The following TNIK variants were observed in gnomAD, a reference collection of about 807,000 sequenced individuals.
The protein encoded by TNIK is TRAF2 and NCK-interacting protein kinase.
TNIK carries 49 observed loss-of-function variants against 191.3 expected under a neutral mutation model. The observed-to-expected ratio is 0.26, with a 90% CI of 0.20 to 0.32. The LOEUF (loss-of-function observed/expected upper bound fraction) is 0.32, where lower values mean the gene tolerates loss of function less well. Among genes scored for constraint, TNIK ranks in the 10% least tolerant of loss-of-function variants. TNIK has a pLI of 1.00. For missense variants in TNIK, 1,155 were observed against 1,702.3 expected, an observed-to-expected ratio of 0.68 and a Z score of 5.66; for synonymous variants, 594 against 600.9, an observed-to-expected ratio of 0.99 and a Z score of 0.17.
At chr3:171,307,640 A>G (rs781081687) in intron 2 of TNIK, among the ~76,000 whole-genome samples, 3 of 152,158 alleles carry the variant, frequency 2.0e-5, no homozygotes, top group African/African-American at 4.8e-5. Flanking sequence ...GTATAAGCCT[A>G]TTTATCCTGG....
At chr3:171,247,368 A>G (rs894866430) in intron 2 of TNIK, among the ~76,000 whole-genome samples, 1 of 152,276 alleles carries the variant, frequency 6.6e-6, no homozygotes, top group East Asian at 1.9e-4. Context: ...CAGGACATGT[A>G]GATGGTGTTT....
chr3:171,140,605 C>T, intron 12 of TNIK, 96 bp from the exon 13 acceptor site: 1 of 1,148,356 alleles, frequency 8.7e-7, no homozygotes, highest in Non-Finnish European at 1.3e-6. Context: ...CAGACATGAA[C>T]TTTTAATGAG....
intron 2 of TNIK, among the ~76,000 whole-genome samples, chr3:171,295,087 T>C (rs1284113576): frequency 6.6e-6 from 1 of 152,068 alleles, no homozygotes; most frequent in Admixed American, 6.6e-5. Context: ...AGAAGAGATA[T>C]ATATCCTTCT....
At chr3:171,186,410 C>T (rs1325780617) in intron 7 of TNIK, among the ~76,000 whole-genome samples, 2 of 152,196 alleles carry the variant, frequency 1.3e-5, no homozygotes, top group African/African-American at 4.8e-5. Flanking sequence ...TTTGATTTGT[C>T]TAAGATGTCT....
At chr3:171,151,608 C>G (rs1351333696) in intron 12 of TNIK, among the ~76,000 whole-genome samples, 1 of 152,160 alleles carries the variant, frequency 6.6e-6, no homozygotes, top group Non-Finnish European at 1.5e-5. Flanking sequence ...AACTGTAAAA[C>G]AGGAAAGTTA....
intron 2 of TNIK, among the ~76,000 whole-genome samples, chr3:171,343,171 A>G (rs190280405): frequency 6.6e-6 from 1 of 152,318 alleles, no homozygotes; most frequent in East Asian, 1.9e-4. Context: ...TGGGCTGCAC[A>G]TAGGGACCTG....
intron 1 of TNIK, among the ~76,000 whole-genome samples, chr3:171,382,011 A>G (rs1718092611): frequency 6.6e-6 from 1 of 152,232 alleles, no homozygotes; most frequent in African/African-American, 2.4e-5. Context: ...ATCTTGAAAG[A>G]GAAACAAACT....
Position 171,299,895 on chromosome 3 carries a change from C to T in TNIK, c.123+69725G>A, listed in dbSNP as rs1489736153. ...TAACGTACAAGGAGACAATTTATGG[C>T]ATTTCATACTTCTGCTATTCCAGGG... On this transcript the variant is annotated intron_variant, in intron 2 of 32. Transcript: ENST00000436636. Among the ~76,000 whole-genome samples the T allele has an allele frequency of 7.2e-5, 11 of 152,174 alleles. 1 individual carries two copies.
At chr3:171,107,558 T>C (rs1216347703) in intron 20 of TNIK, among the ~76,000 whole-genome samples, 2 of 152,206 alleles carry the variant, frequency 1.3e-5, no homozygotes, top group African/African-American at 4.8e-5. Flanking sequence ...GGGTCTATCA[T>C]GTTACAGCAG....
intron 1 of TNIK, among the ~76,000 whole-genome samples, chr3:171,445,351 C>A (rs1362015338): frequency 6.6e-6 from 1 of 150,692 alleles, no homozygotes; most frequent in Non-Finnish European, 1.5e-5. Flanking sequence ...AACCGGAGGT[C>A]GAAGCTGCAG....
intron 2 of TNIK, among the ~76,000 whole-genome samples, chr3:171,266,418 TC>T (rs1319863181): frequency 6.6e-6 from 1 of 152,154 alleles, no homozygotes; most frequent in Non-Finnish European, 1.5e-5. Context: ...GAGGAATCTT[TC>T]CCTCTCAGTT....
At position 171,145,126 on chromosome 3, in the gene TNIK, G is replaced by C. The variant is rs182765630; in HGVS notation, c.1222-4617C>G. 1.1e-3 allele frequency among the ~76,000 whole-genome samples: 163 copies of C among 142,564 alleles called. No individual in the cohort carries two copies. The Middle Eastern group carries it at 0.019, about 16-fold the overall frequency. 93.5% of individuals were successfully genotyped at this position (142,564 alleles called of 152,430 possible). ...TTTTGAGATGGAGTCTTGCTCTGTC[G>C]CCCAGGCTGGAGTACAGTGGTGCAA... On this transcript the variant is annotated intron_variant, in intron 12 of 32. Coordinates refer to ENST00000436636, the MANE Select transcript of TNIK (RefSeq NM_015028.4).
chr3:171,176,026 A>G lies in TNIK; in HGVS notation c.695-696T>C, dbSNP rs1012314151. On this transcript the variant is annotated intron_variant, in intron 8 of 32. Transcript: ENST00000436636. The stretch of plus-strand genomic sequence containing the variant: ...TATCGTTTATAGTGAAAGCACTCAT[A>G]TGTTCTTATTTTAATAAAATATTTT... 2.0e-5 allele frequency among the ~76,000 whole-genome samples: 3 copies of G among 152,334 alleles called. No homozygotes were observed. In the South Asian group the frequency reaches 6.2e-4, roughly 32 times the overall value.
Position 171,430,513 on chromosome 3 carries a change from C to A in TNIK, c.57+29494G>T, listed in dbSNP as rs545763383. Among the ~76,000 whole-genome samples, 24 of 151,932 alleles carry A rather than the reference C, an allele frequency of 1.6e-4. No individual in the cohort carries two copies. In the East Asian group the frequency reaches 2.7e-3, roughly 17 times the overall value. ...AATTAGCCCGGAGTGGTGGTGTGGA[C>A]TTGCAGTCCCAGCTACTTAGAAGGC... On this transcript the variant is annotated intron_variant, in intron 1 of 32. Coordinates refer to ENST00000436636, the MANE Select transcript of TNIK (RefSeq NM_015028.4).
chr3:171,204,331 A>T (rs1739792939), intron 4 of TNIK, among the ~76,000 whole-genome samples: 1 of 152,254 alleles, frequency 6.6e-6, no homozygotes. Flanking sequence ...CAAGACTGAT[A>T]GGATTCGTAC....
At chr3:171,136,538 T>C (rs1729997247) in intron 15 of TNIK, among the ~76,000 whole-genome samples, 1 of 152,192 alleles carries the variant, frequency 6.6e-6, no homozygotes, top group Admixed American at 6.5e-5. Context: ...CCAAGTCTAA[T>C]AGGACAAGCT....
At chr3:171,388,022 A>G (rs1718966012) in intron 1 of TNIK, among the ~76,000 whole-genome samples, 1 of 152,170 alleles carries the variant, frequency 6.6e-6, no homozygotes, top group Admixed American at 6.5e-5. Context: ...CCAAAGAAAG[A>G]TTGCTGCCAG....
intron 13 of TNIK, 45 bp downstream of exon 13, chr3:171,140,354 G>T (rs116346346): frequency 4.1e-6 from 6 of 1,480,318 alleles, no homozygotes; most frequent in East Asian, 2.4e-5. Flanking sequence ...GCTGGTGCTG[G>T]GGTCCCCGGG....
rs1033406116 is a variant in TNIK at position 171,366,608 on chromosome 3, T to G, written c.123+3012A>C. On this transcript the variant is annotated intron_variant, in intron 2 of 32. Coordinates refer to ENST00000436636, the MANE Select transcript of TNIK (RefSeq NM_015028.4). This position sits in a 1 kb window ranked among gnomAD's most constrained non-coding sequence, Gnocchi z 4.1. ...TATAAAAAAGAAACTTATAATAAAT[T>G]TTTCCATAAAATAAGGGCTATGTCC... Among the ~76,000 whole-genome samples, 4 of 152,110 alleles carry G rather than the reference T, an allele frequency of 2.6e-5. No individual in the cohort carries two copies. The highest frequency in any genetic ancestry group is 5.9e-5 in the Non-Finnish European group (4 of 68,024).
Sources: allele counts gnomAD v4.1 joint callset (sites outside exome capture counted in the v4.1 genomes callset), GRCh38; gene constraint gnomAD v4.1.1; non-coding constraint Gnocchi (gnomAD v3.1); transcripts MANE v1.5; gene names NCBI Gene and HGNC (gene_info 2026-07-23, HGNC 2026-07-21).